TLN2: variants seen among roughly 807,000 people sequenced by gnomAD.
TLN2 encodes talin-2.
In TLN2, 118 loss-of-function variants were observed where a neutral mutation model predicts 294.7. The ratio of observed to expected loss-of-function variants is 0.40; its 90% CI spans 0.34 to 0.47. The LOEUF (loss-of-function observed/expected upper bound fraction) is 0.47, where lower values mean the gene tolerates loss of function less well. Among genes scored for constraint, TLN2 ranks in the 20% least tolerant of loss-of-function variants. The pLI, the probability that TLN2 is intolerant of heterozygous loss-of-function variation, is 0.84. For synonymous variants in TLN2, 1,431 were observed against 1,304.5 expected (o/e 1.10, Z -2.09); for missense variants, 3,083 against 3,282.2 (o/e 0.94, Z 1.48).
At chr15:62,699,158 C>G (rs1181342023) in intron 16 of TLN2, among the ~76,000 whole-genome samples, 1 of 152,164 alleles carries the variant, frequency 6.6e-6, no homozygotes, top group Non-Finnish European at 1.5e-5. Flanking sequence ...ATCTGGGCTA[C>G]TTGCCTTCTC....
intron 51 of TLN2, among the ~76,000 whole-genome samples, 165 bp downstream of exon 51, chr15:62,805,950 G>T (rs2066250227): frequency 6.6e-6 from 1 of 152,146 alleles, no homozygotes; most frequent in Non-Finnish European, 1.5e-5. Flanking sequence ...AACACTCTGG[G>T]AGCTGAGACA....
chr15:62,584,139 G>A (rs567581101), intron 1 of TLN2, among the ~76,000 whole-genome samples: 1 of 152,298 alleles, frequency 6.6e-6, no homozygotes, highest in South Asian at 2.1e-4. Context: ...ATTTTTCAAA[G>A]TATTGCGTGG....
chr15:62,644,948 G>C (rs953998977), intron 3 of TLN2: 1 of 237,426 alleles, frequency 4.2e-6, no homozygotes, highest in Non-Finnish European at 8.3e-6. Flanking sequence ...GGGAACAGAC[G>C]ATATTAACCA....
chr15:62,548,372 G>A (rs2042110844), intron 1 of TLN2, among the ~76,000 whole-genome samples: 1 of 152,162 alleles, frequency 6.6e-6, no homozygotes, highest in African/African-American at 2.4e-5. Flanking sequence ...TAGGAGTGGG[G>A]TAGACATCAT....
At chr15:62,694,662 G>C (rs375582681) in intron 14 of TLN2, among the ~76,000 whole-genome samples, 6 of 152,302 alleles carry the variant, frequency 3.9e-5, no homozygotes, top group East Asian at 3.9e-4. Context: ...CATGAGTCCT[G>C]TTCTGCATTT....
At chr15:62,796,324 C>A (rs749442218) in intron 47 of TLN2, 31 bp downstream of exon 47, 3 of 1,588,138 alleles carry the variant, frequency 1.9e-6, no homozygotes, top group South Asian at 1.2e-5. Flanking sequence ...GGGAGAGGTT[C>A]AGGCTGGCCT....
intron 21 of TLN2, among the ~76,000 whole-genome samples, chr15:62,709,777 C>T (rs1419130610): frequency 6.6e-6 from 1 of 150,472 alleles, no homozygotes; most frequent in Non-Finnish European, 1.5e-5. Flanking sequence ...CCCTGTTGCC[C>T]AGGCTGGGGT....
At chr15:62,796,423 G>C (rs1596026455) in intron 47 of TLN2, 130 bp downstream of exon 47, 1 of 1,142,470 alleles carries the variant, frequency 8.8e-7, no homozygotes, top group Admixed American at 2.8e-5. Flanking sequence ...TGCACAAGTT[G>C]GGAAAGTGAA....
At chr15:62,631,396 A>G (rs1191892610) in intron 3 of TLN2, among the ~76,000 whole-genome samples, 1 of 151,868 alleles carries the variant, frequency 6.6e-6, no homozygotes, top group Non-Finnish European at 1.5e-5. Flanking sequence ...ATAATCACTC[A>G]TCCATTATTT....
chr15:62,740,195 G>A lies in TLN2; in HGVS notation c.3886-435G>A, dbSNP rs150285080. ...CCGAGTCAGGAACTTCAGGGATGCAGTCAGCTCTGAATATCGAGACAGTGC... is the reference window on the plus strand; with the variant it reads ...CCGAGTCAGGAACTTCAGGGATGCAATCAGCTCTGAATATCGAGACAGTGC... On this transcript the variant is annotated intron_variant, in intron 31 of 58. Coordinates refer to ENST00000636159, the MANE Select transcript of TLN2 (RefSeq NM_015059.3). 2.6e-5 allele frequency among the ~76,000 whole-genome samples: 4 copies of A among 152,308 alleles called. No individual in the cohort carries two copies. In the East Asian group the frequency reaches 7.7e-4, roughly 29 times the overall value.
intron 26 of TLN2, among the ~76,000 whole-genome samples, chr15:62,724,390 C>G (rs891139408): frequency 3.3e-5 from 5 of 152,104 alleles, no homozygotes; most frequent in Non-Finnish European, 7.3e-5. Context: ...ATTATATGTG[C>G]ATGTGTATAT....
intron 54 of TLN2, among the ~76,000 whole-genome samples, chr15:62,825,776 A>ATATTATAAT (rs1491419500): frequency 3.5e-5 from 1 of 28,692 alleles, no homozygotes; most frequent in Non-Finnish European, 6.8e-5. Flanking sequence ...TATATTATAT[A>ATATTATAAT]ATATATTATA....
At chr15:62,636,750 G>T (rs2050421998) in intron 3 of TLN2, among the ~76,000 whole-genome samples, 1 of 152,130 alleles carries the variant, frequency 6.6e-6, no homozygotes, top group South Asian at 2.1e-4. Flanking sequence ...GGTAATATAG[G>T]TTTGCATGGT....
intron 1 of TLN2, among the ~76,000 whole-genome samples, chr15:62,574,305 G>A (rs1285286226): frequency 1.3e-5 from 2 of 151,646 alleles, no homozygotes; most frequent in African/African-American, 2.4e-5. Context: ...AGCCAGGCGC[G>A]GTGGCTCAGC....
chr15:62,590,397 T>G (rs919686016), intron 2 of TLN2, among the ~76,000 whole-genome samples: 2 of 152,196 alleles, frequency 1.3e-5, no homozygotes, highest in Non-Finnish European at 2.9e-5. Flanking sequence ...AGCTCACATT[T>G]ATAAGTGAGA....
intron 8 of TLN2, among the ~76,000 whole-genome samples, chr15:62,656,461 C>G (rs904400135): frequency 6.6e-6 from 1 of 152,182 alleles, no homozygotes; most frequent in Admixed American, 6.5e-5. Flanking sequence ...AATCAGGACT[C>G]TCATTAACTG....
intron 1 of TLN2, among the ~76,000 whole-genome samples, chr15:62,559,985 C>T (rs1418367200): frequency 3.9e-5 from 6 of 152,126 alleles, no homozygotes; most frequent in African/African-American, 1.4e-4. Context: ...GGAAGAATTC[C>T]ACTGGCCAGA....
chr15:62,836,152 C>T (rs1208086002), intron 57 of TLN2, 79 bp downstream of exon 57: 2 of 1,523,890 alleles, frequency 1.3e-6, no homozygotes, highest in Non-Finnish European at 8.8e-7. Flanking sequence ...GCCTCACTTC[C>T]TTGGCATGAC....
intron 28 of TLN2, 89 bp downstream of exon 28, chr15:62,727,278 A>G: frequency 8.5e-7 from 1 of 1,180,068 alleles, no homozygotes. Context: ...CTTTGACAAT[A>G]CACGTGACAT....
Sources: allele counts gnomAD v4.1 joint callset (sites outside exome capture counted in the v4.1 genomes callset), GRCh38; gene constraint gnomAD v4.1.1; transcripts MANE v1.5; gene names NCBI Gene and HGNC (gene_info 2026-07-23, HGNC 2026-07-21).